The following ADGRE3 variants were observed in gnomAD, a reference collection of about 807,000 sequenced individuals.
ADGRE3 encodes the protein adhesion G protein-coupled receptor E3.
A neutral mutation model predicts 80.1 loss-of-function variants in ADGRE3; 88 were observed. The ratio of observed to expected loss-of-function variants is 1.10; its 90% CI spans 0.93 to 1.31. The LOEUF is 1.31. Among genes scored for constraint, ADGRE3 ranks in the 40% most tolerant of loss-of-function variants. The pLI is 0.00. For missense variants in ADGRE3, 715 were observed against 776.5 expected, an observed-to-expected ratio of 0.92 and a Z score of 0.94; for synonymous variants, 281 against 294.8, an observed-to-expected ratio of 0.95 and a Z score of 0.48.
At chr19:14,654,531 C>T (rs1410935772) in intron 6 of ADGRE3, among the ~76,000 whole-genome samples, 1 of 152,136 alleles carries the variant, frequency 6.6e-6, no homozygotes, top group Non-Finnish European at 1.5e-5. Flanking sequence ...TCCCAAAGTG[C>T]TGGGAATACA....
chr19:14,667,464 G>T (rs112170698), intron 2 of ADGRE3, among the ~76,000 whole-genome samples: 1 of 151,874 alleles, frequency 6.6e-6, no homozygotes, highest in Non-Finnish European at 1.5e-5. Flanking sequence ...TGATAGACTG[G>T]ATTAAGAAAA....
In ADGRE3 at chr19:14,651,156, G is replaced by A. The variant is rs764408822; in HGVS notation, c.626C>T (p.Thr209Ile). 3 of 1,613,910 alleles carry A rather than the reference G, an allele frequency of 1.9e-6. No homozygotes were observed. The African/African-American group carries it at 4.0e-5, about 22-fold the overall frequency. ...ITDNCSEERK[T>I]FNLNVQMNSM... ...GTTCATTTGGACGTTCAAGTTGAAT[G>A]TCTTTCTTTCTTCAGAGCAATTGTC... Residue 209 changes from threonine (T) to isoleucine (I), a missense_variant, in exon 7 of 16, where the codon ACA becomes ATA. Physicochemically the swap from Thr to Ile is moderately conservative, Grantham distance 89. Transcript: ENST00000253673.
At chr19:14,601,648 T>G in the ADGRE3 span, among the ~76,000 whole-genome samples, 6,286 of 152,160 alleles carry the variant, frequency 0.041, 429 homozygotes, top group African/African-American at 0.14. Context: ...GGACAAGGTC[T>G]CACTCTGTCA....
intron 2 of ADGRE3, among the ~76,000 whole-genome samples, chr19:14,665,996 G>T (rs1252680587): frequency 1.3e-5 from 1 of 75,760 alleles, no homozygotes; most frequent in East Asian, 4.8e-4. Flanking sequence ...CTTTATCCAC[G>T]TGTTGATTGA....
intron 2 of ADGRE3, among the ~76,000 whole-genome samples, chr19:14,667,937 A>C (rs2146909238): frequency 6.6e-6 from 1 of 152,234 alleles, no homozygotes; most frequent in African/African-American, 2.4e-5. Context: ...CATCTTGTAA[A>C]ACTGAAACTC....
At chr19:14,643,079 C>T (rs1273236221) in intron 9 of ADGRE3, among the ~76,000 whole-genome samples, 1 of 151,828 alleles carries the variant, frequency 6.6e-6, no homozygotes, top group Non-Finnish European at 1.5e-5. Context: ...TGCTACCTCA[C>T]CAGCATCTGT....
chr19:14,650,629 ATCTCTCTCTCTCTCTC>A (rs376333448), intron 7 of ADGRE3, among the ~76,000 whole-genome samples: 231 of 24,882 alleles, frequency 9.3e-3, no homozygotes, highest in African/African-American at 0.022. Context: ...CTCTGTCTCC[ATCTCTCTCTCTCTCTC>A]TCTCTCTCTC....
chr19:14,616,345 C>T (rs528037226), downstream of ADGRE3, among the ~76,000 whole-genome samples: 1 of 152,158 alleles, frequency 6.6e-6, no homozygotes, highest in Admixed American at 6.6e-5. Context: ...GCATTAAACT[C>T]CTTATCTCAG....
rs1491540091 is a variant in ADGRE3 at position 14,665,937 on chromosome 19, T to TATATATATGC, written c.77-2398_77-2397insGCATATATAT. 8.3e-3 allele frequency among the ~76,000 whole-genome samples: 166 copies of TATATATATGC among 19,944 alleles called. 13 individuals carry two copies. Among genetic ancestry groups the TATATATATGC allele is most frequent in the African/African-American group, 0.024 (155 of 6,356 alleles). 13.1% of individuals were successfully genotyped at this position (19,944 alleles called of 152,430 possible). Reference sequence around the variant, plus strand: ...TATATTGCATATACACACATATGTGTATATATATATATATATATATATATA... The same window carrying TATATATATGC: ...TATATTGCATATACACACATATGTGTATATATATGCATATATATATATATATATATATATA... On this transcript the variant is annotated intron_variant, in intron 2 of 15. Coordinates refer to ENST00000253673, the MANE Select transcript of ADGRE3 (RefSeq NM_032571.5).
chr19:14,654,840 G>T, intron 6 of ADGRE3, 142 bp downstream of exon 6: 1 of 620,140 alleles, frequency 1.6e-6, no homozygotes, highest in Non-Finnish European at 2.7e-6. Context: ...ATAAGTTTGC[G>T]TTTTCTAGAA....
intron 15 of ADGRE3, among the ~76,000 whole-genome samples, chr19:14,620,547 ATTATATATATATATATATATATTTTT>A (rs1970551766): frequency 7.2e-5 from 1 of 13,962 alleles, no homozygotes; most frequent in Non-Finnish European, 1.1e-4. Context: ...TTATATATAT[ATTATATATATATATATATATATTTTT>A]TTTTTTTTTT....
chr19:14,632,966 TTTC>T lies in ADGRE3; in HGVS notation c.1595_1597del (p.Arg532del). 1 of 1,614,040 alleles carries T rather than the reference TTTC, an allele frequency of 6.2e-7. No homozygotes were observed. On this transcript the variant is annotated inframe_deletion, in exon 13 of 16. Coordinates refer to ENST00000253673, the MANE Select transcript of ADGRE3 (RefSeq NM_032571.5). ...CACTTCACTATTGAGGGAGGAAAGT[TTTC>T]TTTTCAAAATCCAAAAGACCAAGAT...
At chr19:14,645,449 A>G (rs558892804) in intron 8 of ADGRE3, among the ~76,000 whole-genome samples, 2 of 152,136 alleles carry the variant, frequency 1.3e-5, no homozygotes, top group East Asian at 3.9e-4. Flanking sequence ...ACCTAAAGTC[A>G]GGACTTGGAG....
At chr19:14,662,445 G>A (rs972546942) in intron 3 of ADGRE3, among the ~76,000 whole-genome samples, 2 of 152,164 alleles carry the variant, frequency 1.3e-5, no homozygotes, top group African/African-American at 4.8e-5. Flanking sequence ...GAGTGCAATG[G>A]CAGGATCTGG....
At position 14,661,951 on chromosome 19, in the gene ADGRE3, A is replaced by G; in HGVS notation, c.355+12T>C. The G allele has an allele frequency of 6.2e-7, 1 of 1,613,380 alleles. No individual in the cohort carries two copies. The highest frequency in any genetic ancestry group is 8.5e-7 in the Non-Finnish European group (1 of 1,179,566). ...CAGAGGAAGGAAGGCAGGAGGACAA[A>G]AATGTTCTTACCCTGACAGGTGTTC... On this transcript the variant is annotated intron_variant, in intron 4 of 15. Transcript: ENST00000253673.
At chr19:14,610,695 A>G in the ADGRE3 span, 1 of 156,310 alleles carries the variant, frequency 6.4e-6, no homozygotes, top group Non-Finnish European at 1.4e-5. Context: ...AATTTTTTGT[A>G]GCATTTAAAG....
chr19:14,661,473 G>C (rs1040399395), intron 4 of ADGRE3, among the ~76,000 whole-genome samples: 4 of 152,190 alleles, frequency 2.6e-5, no homozygotes, highest in Non-Finnish European at 2.9e-5. Context: ...GTTAGCCTGA[G>C]TGAGTTTCTC....
downstream of ADGRE3, among the ~76,000 whole-genome samples, chr19:14,617,317 C>T (rs2075080811): frequency 1.4e-5 from 1 of 69,568 alleles, no homozygotes; most frequent in Non-Finnish European, 3.5e-5. Flanking sequence ...CTCTCTTCCC[C>T]TTGCTTCCCT....
intron 2 of ADGRE3, among the ~76,000 whole-genome samples, chr19:14,668,028 C>A (rs1424570451): frequency 6.6e-6 from 1 of 152,058 alleles, no homozygotes; most frequent in African/African-American, 2.4e-5. Context: ...TTGAGGTGGG[C>A]AGACTGTTTG....
Sources: gnomAD v4.1 joint callset for allele counts (sites outside exome capture counted in the v4.1 genomes callset) on GRCh38, gnomAD v4.1.1 for gene constraint, MANE v1.5 for transcripts, NCBI Gene and HGNC (gene_info 2026-07-23, HGNC 2026-07-21) for gene names.